The following ZNF804A variants were observed in gnomAD, a reference collection of about 807,000 sequenced individuals.
The protein encoded by ZNF804A is zinc finger protein 804A.
In ZNF804A, 2 loss-of-function variants were observed where a neutral mutation model predicts 16.5. The ratio of observed to expected loss-of-function variants is 0.12; its 90% CI spans 0.05 to 0.38. The LOEUF (loss-of-function observed/expected upper bound fraction) is 0.38, where lower values mean the gene tolerates loss of function less well. Ranked by LOEUF, ZNF804A falls within the 10% of genes least tolerant of loss-of-function variation. The pLI, the probability that ZNF804A is intolerant of heterozygous loss-of-function variation, is 0.99. For synonymous variants in ZNF804A, 534 were observed against 489.6 expected (o/e 1.09, Z -1.20); for missense variants, 1,473 against 1,390.7 (o/e 1.06, Z -0.94).
intron 1 of ZNF804A, among the ~76,000 whole-genome samples, chr2:184,614,634 C>T (rs1262067059): frequency 6.6e-6 from 1 of 151,916 alleles, no homozygotes; most frequent in East Asian, 1.9e-4. Context: ...ATGTGGTAAC[C>T]CTGCTAAATA....
intron 1 of ZNF804A, among the ~76,000 whole-genome samples, chr2:184,804,363 A>G (rs1694770992): frequency 6.6e-6 from 1 of 152,204 alleles, no homozygotes; most frequent in Non-Finnish European, 1.5e-5. Context: ...TATATTTGGC[A>G]TCACTGTTTA....
At chr2:184,720,673 C>T (rs543860473) in intron 1 of ZNF804A, among the ~76,000 whole-genome samples, 169 of 152,162 alleles carry the variant, frequency 1.1e-3, no homozygotes, top group African/African-American at 3.5e-3. Context: ...ATTAAAATGA[C>T]GATACTACCC....
intron 1 of ZNF804A, among the ~76,000 whole-genome samples, chr2:184,708,243 C>A (rs1693063179): frequency 6.6e-6 from 1 of 151,992 alleles, no homozygotes; most frequent in African/African-American, 2.4e-5. Context: ...CTGATAGTTT[C>A]TTTGCTGTGC....
At chr2:184,773,004 GTA>G (rs201496540) in intron 1 of ZNF804A, among the ~76,000 whole-genome samples, 7 of 144,166 alleles carry the variant, frequency 4.9e-5, no homozygotes, top group South Asian at 4.4e-4. Context: ...GTGTGTGTGT[GTA>G]TATATATATA....
At chr2:184,618,932 A>G (rs1691374456) in intron 1 of ZNF804A, among the ~76,000 whole-genome samples, 1 of 152,120 alleles carries the variant, frequency 6.6e-6, no homozygotes, top group South Asian at 2.1e-4. Context: ...ATCTTTTCAG[A>G]AACTAATTTC....
intron 1 of ZNF804A, among the ~76,000 whole-genome samples, chr2:184,737,010 T>C (rs1240787913): frequency 1.3e-5 from 2 of 151,966 alleles, no homozygotes; most frequent in African/African-American, 4.8e-5. Flanking sequence ...TAGATGTTGT[T>C]ACTTATATCA....
chr2:184,920,929 G>T (rs1278782363), intron 2 of ZNF804A, among the ~76,000 whole-genome samples: 1 of 152,154 alleles, frequency 6.6e-6, no homozygotes, highest in Non-Finnish European at 1.5e-5. Flanking sequence ...GAAAGGACAG[G>T]TATGCAGACC....
intron 1 of ZNF804A, among the ~76,000 whole-genome samples, chr2:184,616,751 A>C (rs1245589420): frequency 6.6e-6 from 1 of 152,158 alleles, no homozygotes; most frequent in Non-Finnish European, 1.5e-5. Flanking sequence ...AGATTCCAAA[A>C]CTAATTGGTC....
At chr2:184,675,919 A>T (rs1262484328) in intron 1 of ZNF804A, among the ~76,000 whole-genome samples, 1 of 151,692 alleles carries the variant, frequency 6.6e-6, no homozygotes, top group African/African-American at 2.4e-5. Context: ...ACTAACCTCA[A>T]TTGTTTATTT....
chr2:184,853,342 T>C (rs182040497), intron 1 of ZNF804A, among the ~76,000 whole-genome samples: 10 of 152,076 alleles, frequency 6.6e-5, no homozygotes, highest in African/African-American at 2.4e-4. Context: ...ATCTTTAGGG[T>C]TATCTCTATA....
At chr2:184,674,985 A>G (rs1011399385) in intron 1 of ZNF804A, among the ~76,000 whole-genome samples, 2 of 151,854 alleles carry the variant, frequency 1.3e-5, no homozygotes, top group Admixed American at 6.6e-5. Context: ...ATAAAGTCAT[A>G]CATTAATCTG....
intron 2 of ZNF804A, among the ~76,000 whole-genome samples, chr2:184,868,375 C>A (rs1413099079): frequency 6.6e-6 from 1 of 151,974 alleles, no homozygotes. Flanking sequence ...ATCGCTATGA[C>A]CATCAATATA....
chr2:184,627,737 T>C (rs1166346014), intron 1 of ZNF804A, among the ~76,000 whole-genome samples: 2 of 152,204 alleles, frequency 1.3e-5, no homozygotes, highest in African/African-American at 4.8e-5. Flanking sequence ...TTAGATTGCA[T>C]AGGTAGCTAA....
chr2:184,873,465 G>A (rs940446170), intron 2 of ZNF804A, among the ~76,000 whole-genome samples: 3 of 152,162 alleles, frequency 2.0e-5, no homozygotes, highest in South Asian at 4.1e-4. Flanking sequence ...TCCAGCCTGG[G>A]TGACAGAGCA....
chr2:184,899,202 A>G (rs1357993557), intron 2 of ZNF804A, among the ~76,000 whole-genome samples: 1 of 151,948 alleles, frequency 6.6e-6, no homozygotes, highest in Non-Finnish European at 1.5e-5. Context: ...TCAAAAGCCT[A>G]TTTTATATGT....
At chr2:184,901,634 T>G (rs182836740) in intron 2 of ZNF804A, among the ~76,000 whole-genome samples, 7 of 152,260 alleles carry the variant, frequency 4.6e-5, no homozygotes, top group African/African-American at 1.7e-4. Context: ...ATCAATAGTT[T>G]GTCATGATAT....
At chr2:184,797,917 A>G (rs1694659888) in intron 1 of ZNF804A, among the ~76,000 whole-genome samples, 1 of 151,852 alleles carries the variant, frequency 6.6e-6, no homozygotes, top group Non-Finnish European at 1.5e-5. Context: ...GTGGTGACTT[A>G]TCTCAGCATT....
At chr2:184,684,115 G>C (rs1449777934) in intron 1 of ZNF804A, among the ~76,000 whole-genome samples, 1 of 152,178 alleles carries the variant, frequency 6.6e-6, no homozygotes, top group Non-Finnish European at 1.5e-5. Flanking sequence ...TAAGGAAGTG[G>C]CTTCTTCTGA....
intron 1 of ZNF804A, among the ~76,000 whole-genome samples, chr2:184,846,826 C>T (rs887844274): frequency 3.6e-4 from 55 of 151,896 alleles, no homozygotes; most frequent in Admixed American, 3.0e-3. Context: ...TAGAGTCCAG[C>T]GATGAAAAAT....
Sources: gnomAD v4.1 joint callset for allele counts (sites outside exome capture counted in the v4.1 genomes callset) on GRCh38, gnomAD v4.1.1 for gene constraint, MANE v1.5 for transcripts, NCBI Gene and HGNC (gene_info 2026-07-23, HGNC 2026-07-21) for gene names.